SOX5: variants seen among roughly 807,000 people sequenced by gnomAD.
SOX5 encodes SRY-box transcription factor 5.
A neutral mutation model predicts 92.0 loss-of-function variants in SOX5; 9 were observed. The ratio of observed to expected loss-of-function variants is 0.10; its 90% CI spans 0.06 to 0.17. SOX5 has a LOEUF of 0.17. Among genes scored for constraint, SOX5 ranks in the 10% least tolerant of loss-of-function variants. The probability of loss-of-function intolerance (pLI) is 1.00; values close to 1 mark genes in which losing one functional copy is unlikely to be tolerated. For synonymous variants in SOX5, 344 were observed against 336.3 expected, an observed-to-expected ratio of 1.02 and a Z score of -0.25; for missense variants, 642 against 944.5, an observed-to-expected ratio of 0.68 and a Z score of 4.20.
intron 2 of SOX5, among the ~76,000 whole-genome samples, chr12:24,313,176 A>T (rs1949358669): frequency 6.6e-6 from 1 of 152,036 alleles, no homozygotes; most frequent in Non-Finnish European, 1.5e-5. Context: ...TCCTCTAACA[A>T]ACCTCTACTT....
At chr12:24,454,088 C>A (rs1447148794) in intron 1 of SOX5, among the ~76,000 whole-genome samples, 1 of 152,096 alleles carries the variant, frequency 6.6e-6, no homozygotes, top group African/African-American at 2.4e-5. Flanking sequence ...GAGCTATATT[C>A]TTTGTTTCTT....
intron 4 of SOX5, among the ~76,000 whole-genome samples, chr12:24,035,689 A>G (rs1411116461): frequency 1.3e-5 from 2 of 152,134 alleles, no homozygotes; most frequent in Admixed American, 1.3e-4. Flanking sequence ...GTTTCTTAAT[A>G]AAATAAAGAA....
intron 8 of SOX5, among the ~76,000 whole-genome samples, chr12:23,611,122 A>T (rs1429220416): frequency 6.6e-6 from 1 of 151,904 alleles, no homozygotes; most frequent in Non-Finnish European, 1.5e-5. Context: ...TATTTTATAA[A>T]ATTATTATTT....
chr12:23,832,187 C>G (rs981100374), intron 3 of SOX5, among the ~76,000 whole-genome samples: 3 of 151,882 alleles, frequency 2.0e-5, no homozygotes, highest in Non-Finnish European at 4.4e-5. Flanking sequence ...AAAACTGCCC[C>G]TCCTGGTTTC....
chr12:24,295,496 T>C (rs775007), intron 2 of SOX5, among the ~76,000 whole-genome samples: 16,626 of 152,288 alleles, frequency 0.11, 1,221 homozygotes, highest in South Asian at 0.18. Flanking sequence ...CTTCTTGCTC[T>C]GAATTATTTG....
chr12:24,556,632 G>A (rs1395277699), intron 1 of SOX5, among the ~76,000 whole-genome samples: 1 of 152,146 alleles, frequency 6.6e-6, no homozygotes, highest in African/African-American at 2.4e-5. Context: ...TTGCTAACAG[G>A]AAATCAAAAA....
At chr12:24,272,007 G>C (rs573643338) in intron 3 of SOX5, among the ~76,000 whole-genome samples, 72 of 151,412 alleles carry the variant, frequency 4.8e-4, no homozygotes, top group Non-Finnish European at 8.4e-4. Context: ...ACAATGTACA[G>C]ATAACAAGAA....
chr12:23,663,916 G>A (rs529348248), intron 7 of SOX5, among the ~76,000 whole-genome samples: 6 of 152,198 alleles, frequency 3.9e-5, no homozygotes, highest in South Asian at 2.1e-4. Flanking sequence ...AATAATATTA[G>A]ATGAATAAAT....
At chr12:23,900,152 T>C (rs16926859) in intron 1 of SOX5, among the ~76,000 whole-genome samples, 1,803 of 152,058 alleles carry the variant, frequency 0.012, 53 homozygotes, top group African/African-American at 0.04. Context: ...AAAGAAGAGA[T>C]TGAGGAATAT....
intron 7 of SOX5, among the ~76,000 whole-genome samples, chr12:23,646,023 A>G (rs2080806188): frequency 2.6e-5 from 4 of 152,178 alleles, no homozygotes; most frequent in Admixed American, 2.0e-4. Flanking sequence ...ATAAAAAAAT[A>G]CTTTATTGCT....
chr12:24,514,244 C>G (rs1181610821), intron 1 of SOX5, among the ~76,000 whole-genome samples: 1 of 152,124 alleles, frequency 6.6e-6, no homozygotes, highest in Non-Finnish European at 1.5e-5. Flanking sequence ...TCTTACATAC[C>G]ACTTTTACAT....
At chr12:23,989,338 G>A (rs889183467) in intron 4 of SOX5, among the ~76,000 whole-genome samples, 8 of 152,074 alleles carry the variant, frequency 5.3e-5, no homozygotes, top group Non-Finnish European at 1.0e-4. Flanking sequence ...GTTGCAGTGA[G>A]CTGAGATTGT....
intron 1 of SOX5, among the ~76,000 whole-genome samples, chr12:24,417,000 AC>A (rs1965128318): frequency 6.6e-6 from 1 of 152,162 alleles, no homozygotes; most frequent in South Asian, 2.1e-4. Context: ...GACTGCTCAG[AC>A]CTTGGCTATC....
chr12:24,307,666 T>G lies in SOX5; in HGVS notation c.-173-30354A>C, dbSNP rs529070735. Among the ~76,000 whole-genome samples, 5 of 72,772 alleles carry G rather than the reference T, an allele frequency of 6.9e-5. 2 individuals are homozygous for G. In the South Asian group the frequency reaches 2.0e-3, roughly 29 times the overall value. 47.7% of individuals were successfully genotyped at this position (72,772 alleles called of 152,430 possible). A position where few individuals can be genotyped will look rare whatever the true frequency, so the allele number is the denominator to read the frequency against. On this transcript the variant is annotated intron_variant, in intron 2 of 4. Transcript: ENST00000446891. ...AAGCTTTTTAATAAACGTTCACTGC[T>G]TCTCTAAAACACATACAAACACAAA...
chr12:24,501,950 A>C (rs1278760139), intron 1 of SOX5, among the ~76,000 whole-genome samples: 4 of 152,200 alleles, frequency 2.6e-5, no homozygotes, highest in Non-Finnish European at 4.4e-5. Context: ...CAGGGCTTCC[A>C]GAGCATCCTG....
intron 4 of SOX5, among the ~76,000 whole-genome samples, chr12:24,085,740 A>G (rs1385890217): frequency 1.3e-5 from 2 of 152,014 alleles, no homozygotes; most frequent in Non-Finnish European, 2.9e-5. Flanking sequence ...ATTTGAAAGA[A>G]GAAAAGTTCT....
At chr12:24,264,485 A>G (rs1397115796) in intron 3 of SOX5, among the ~76,000 whole-genome samples, 1 of 152,244 alleles carries the variant, frequency 6.6e-6, no homozygotes, top group Admixed American at 6.5e-5. Flanking sequence ...AGGTGTGTTG[A>G]ACAATGGAAG....
chr12:24,551,892 G>A (rs1055832529), intron 1 of SOX5, among the ~76,000 whole-genome samples: 1 of 152,134 alleles, frequency 6.6e-6, no homozygotes, highest in Non-Finnish European at 1.5e-5. Context: ...CCTTCTGTGT[G>A]TTTTTATTCA....
intron 2 of SOX5, among the ~76,000 whole-genome samples, chr12:23,855,527 T>C (rs1051363789): frequency 4.6e-5 from 7 of 152,244 alleles, no homozygotes; most frequent in Admixed American, 2.6e-4. Context: ...ATGACACCAA[T>C]TACTTTTTAT....
Sources: gnomAD v4.1 joint callset for allele counts (sites outside exome capture counted in the v4.1 genomes callset) on GRCh38, gnomAD v4.1.1 for gene constraint, MANE v1.5 for transcripts, NCBI Gene and HGNC (gene_info 2026-07-23, HGNC 2026-07-21) for gene names.